Variants in AKAP8L observed in about 807,000 individuals in gnomAD.
AKAP8L encodes the protein A-kinase anchoring protein 8 like, also known as A-kinase anchor protein 8-like.
Under a neutral mutation model 77.5 loss-of-function variants are expected in AKAP8L, and 34 were observed. That is an observed-to-expected ratio of 0.44 (90% confidence interval 0.33 to 0.58). The LOEUF is 0.58. Ranked by LOEUF, AKAP8L falls within the 20% of genes least tolerant of loss-of-function variation. The pLI is 0.02. For synonymous variants in AKAP8L, 342 were observed against 340.7 expected (o/e 1.00, Z -0.04); for missense variants, 806 against 887.6 (o/e 0.91, Z 1.17).
chr19:15,401,555 G>A lies in AKAP8L; in HGVS notation c.411C>T (p.Arg137=), dbSNP rs1033699236. ...SCDSRAVLSE[R]DLYRSGYDYS... ...AGTCATAGCCTGACCGGTACAGGTCGCGCTCACTCAGGACGGCCCTCGAGT... is the reference window on the plus strand; with the variant it reads ...AGTCATAGCCTGACCGGTACAGGTCACGCTCACTCAGGACGGCCCTCGAGT... The change falls in exon 5 of 14, where the codon CGC becomes CGT. Residue 137 remains arginine, a synonymous_variant. Transcript: ENST00000397410. This position sits in a 1 kb window ranked among gnomAD's most constrained non-coding sequence, Gnocchi z 6.2. The A allele has an allele frequency of 1.9e-5, 31 of 1,612,686 alleles. No homozygotes were observed. Among genetic ancestry groups the A allele is most frequent in the African/African-American group, 2.7e-5 (2 of 74,886 alleles).
rs887977846 is a variant in AKAP8L at position 15,397,418 on chromosome 19, G to A, written c.1405+102C>T. ...GGGCCTGAGCCAAGGCTGGTCTCCT[G>A]ACCTTCCCTGGGGGAACAGAAGGGT... On this transcript the variant is annotated intron_variant, in intron 11 of 13. Transcript: ENST00000397410. This position sits in a 1 kb window ranked among gnomAD's most constrained non-coding sequence, Gnocchi z 4.7. 1.3e-6 allele frequency: 2 copies of A among 1,482,880 alleles called. No individual in the cohort carries two copies. Among genetic ancestry groups the A allele is most frequent in the Non-Finnish European group, 1.9e-6 (2 of 1,077,874 alleles). 91.9% of individuals were successfully genotyped at this position (1,482,880 alleles called of 1,614,324 possible).
intron 2 of AKAP8L, among the ~76,000 whole-genome samples, chr19:15,405,540 A>AT (rs1195230338): frequency 6.6e-6 from 1 of 152,062 alleles, no homozygotes; most frequent in Non-Finnish European, 1.5e-5. Context: ...AAAAAAAAAA[A>AT]AATAGAACAA....
chr19:15,384,539 A>G (rs904814429), intron 12 of AKAP8L, among the ~76,000 whole-genome samples: 5 of 151,344 alleles, frequency 3.3e-5, no homozygotes, highest in Non-Finnish European at 5.9e-5. Context: ...ACCTCAGGCA[A>G]TCCACCCGCC....
rs1317235429 is a variant in AKAP8L, at chr19:15,398,790, AG to A, written c.1157+511del. The A allele has an allele frequency of 2.0e-6, 2 of 997,472 alleles. No individual in the cohort carries two copies. The highest frequency in any genetic ancestry group is 1.7e-5 in the African/African-American group (1 of 57,282). 61.8% of individuals were successfully genotyped at this position (997,472 alleles called of 1,614,324 possible). A position where few individuals can be genotyped will look rare whatever the true frequency, so the allele number is the denominator to read the frequency against. ...CCCTGAGGGCAGACAGACCCGACCA[AG>A]GGGCGTGAAGGGCTCAGCCGCAGAC... On this transcript the variant is annotated intron_variant, in intron 9 of 13. Transcript: ENST00000397410. The surrounding 1 kb of genome is among the most constrained non-coding windows in gnomAD (Gnocchi z 9.2).
chr19:15,381,648 T>C (rs1414650405), intron 12 of AKAP8L, among the ~76,000 whole-genome samples: 1 of 152,040 alleles, frequency 6.6e-6, no homozygotes, highest in Non-Finnish European at 1.5e-5. Flanking sequence ...ACGTTTTCTC[T>C]ACTACTGGAG....
rs1172000847 is a variant in AKAP8L, at chr19:15,404,005, C to T, written c.121+5G>A. On this transcript the variant is annotated splice_donor_5th_base_variant and intron_variant, in intron 3 of 13. Coordinates refer to ENST00000397410, the MANE Select transcript of AKAP8L (RefSeq NM_014371.4). ...CAGGACAGCAATCACAGGAATGACA[C>T]TTGCCTCTATTTGTCCCAGAGTTCC... 6.2e-7 allele frequency: 1 copy of T among 1,613,784 alleles called. No individual in the cohort carries two copies. Among genetic ancestry groups the T allele is most frequent in the East Asian group, 2.2e-5 (1 of 44,900 alleles).
At position 15,399,108 on chromosome 19, in the gene AKAP8L, G is replaced by A. The variant is rs1007805666; in HGVS notation, c.1157+194C>T. 13 of 601,296 alleles carry A rather than the reference G, an allele frequency of 2.2e-5. No individual in the cohort carries two copies. The highest frequency in any genetic ancestry group is 7.9e-5 in the South Asian group (4 of 50,758). 37.2% of individuals were successfully genotyped at this position (601,296 alleles called of 1,614,324 possible). On this transcript the variant is annotated intron_variant, in intron 9 of 13. Transcript: ENST00000397410. The surrounding 1 kb of genome is among the most constrained non-coding windows in gnomAD (Gnocchi z 6.1). ...CCACAGACGCCAGCGGTCGCCAGGC[G>A]GCCGCAGAGGGGCAGGGGATGAGTC...
chr19:15,380,089 GGC>G lies in AKAP8L; in HGVS notation c.*31_*32del. The stretch of plus-strand genomic sequence containing the variant: ...TTTATTAGGTTTGGTTTCCAGCTTC[GGC>G]CACGCGGGCTCCGCCCGCCCCGAGC... On this transcript the variant is annotated 3_prime_UTR_variant, in exon 14 of 14. Transcript: ENST00000397410. 1 of 1,450,718 alleles carries G rather than the reference GGC, an allele frequency of 6.9e-7. No individual in the cohort carries two copies. Among genetic ancestry groups the G allele is most frequent in the Non-Finnish European group, 9.0e-7 (1 of 1,113,778 alleles). The allele number at this position is 1,450,718 out of a possible 1,614,324, so 89.9% of individuals were successfully genotyped here.
Position 15,399,318 on chromosome 19 carries a change from C to G in AKAP8L, c.1141G>C (p.Asp381His). The G allele has an allele frequency of 6.2e-7, 1 of 1,613,880 alleles. No individual in the cohort carries two copies. Among genetic ancestry groups the G allele is most frequent in the Non-Finnish European group, 8.5e-7 (1 of 1,179,820 alleles). ...GCTGGTTACCTTTCCACCATGCGGT[C>G]TCGCTGCCGCTTTTTCTGCTTGTCC... ...SQDKQKKRQRDRMVERIQFVC... is the reference protein window; with the variant it reads ...SQDKQKKRQRHRMVERIQFVC... Residue 381 changes from aspartate to histidine, a missense_variant, in exon 9 of 14, where the codon GAC becomes CAC. Physicochemically the swap from Asp to His is moderately conservative, Grantham distance 81. Around this residue, in one of 2 missense-constraint regions of AKAP8L, gnomAD observed 580 missense variants for 694.1 expected, o/e 0.84. Transcript: ENST00000397410. This position sits in a 1 kb window ranked among gnomAD's most constrained non-coding sequence, Gnocchi z 6.1.
At position 15,401,090 on chromosome 19, in the gene AKAP8L, C is replaced by A. The variant is rs1477575327; in HGVS notation, c.817-47G>T. 3.7e-6 allele frequency: 6 copies of A among 1,607,476 alleles called. No homozygotes were observed. The South Asian group carries it at 6.6e-5, about 18-fold the overall frequency. ...CCGTGTCAGGGTGCATGGCACCCGG[C>A]CCTTAGCTCCGCCCCAGTGGGAACT... is the stretch of plus-strand genomic sequence containing the variant. On this transcript the variant is annotated intron_variant, in intron 5 of 13. Coordinates refer to ENST00000397410, the MANE Select transcript of AKAP8L (RefSeq NM_014371.4). The surrounding 1 kb of genome is among the most constrained non-coding windows in gnomAD (Gnocchi z 6.2).
Position 15,399,788 on chromosome 19 carries a change from C to T in AKAP8L, c.1049-378G>A. The T allele has an allele frequency of 3.0e-6, 1 of 334,346 alleles. No homozygotes were observed. Among genetic ancestry groups the T allele is most frequent in the Non-Finnish European group, 5.7e-6 (1 of 176,494 alleles). 20.7% of individuals were successfully genotyped at this position (334,346 alleles called of 1,614,324 possible). ...ATGGCCCTGCCCACCCCCAACCGGG[C>T]ACCGCGGCAACAGTGGGCTGACGCT... On this transcript the variant is annotated intron_variant, in intron 8 of 13. Transcript: ENST00000397410. This position sits in a 1 kb window ranked among gnomAD's most constrained non-coding sequence, Gnocchi z 6.1.
intron 12 of AKAP8L, among the ~76,000 whole-genome samples, chr19:15,396,756 G>A (rs1967785444): frequency 6.6e-6 from 1 of 152,132 alleles, no homozygotes; most frequent in African/African-American, 2.4e-5. Context: ...ACTCTAACCT[G>A]TTAATCCCAC....
intron 12 of AKAP8L, among the ~76,000 whole-genome samples, chr19:15,393,832 G>A (rs927696198): frequency 1.2e-4 from 18 of 151,162 alleles, no homozygotes; most frequent in African/African-American, 4.4e-4. Context: ...GGACCCGGGA[G>A]GCAGAGGTTG....
Position 15,380,189 on chromosome 19 carries a change from C to T in AKAP8L, c.1874G>A (p.Arg625His), listed in dbSNP as rs1485854412. ...AVPLLGGALQ[R>H]QIRGIPGLDV... ...GAGGCCCGGGATGCCGCGGATCTGG[C>T]GTTGCAGCGCCCCTCCCAGCAAGGG... Residue 625 changes from arginine (R) to histidine (H), a missense_variant, in exon 14 of 14, where the codon CGC becomes CAC. Physicochemically the swap from Arg to His is conservative, Grantham distance 29 (BLOSUM62 0). Transcript: ENST00000397410. 1.3e-6 allele frequency: 2 copies of T among 1,507,094 alleles called. No individual in the cohort carries two copies. The highest frequency in any genetic ancestry group is 1.8e-6 in the Non-Finnish European group (2 of 1,136,450). 93.4% of individuals were successfully genotyped at this position (1,507,094 alleles called of 1,614,324 possible). A position where few individuals can be genotyped will look rare whatever the true frequency, so the allele number is the denominator to read the frequency against.
At chr19:15,414,481 C>CT (rs528964183) in intron 1 of AKAP8L, among the ~76,000 whole-genome samples, 1,486 of 145,462 alleles carry the variant, frequency 0.01, 19 homozygotes, top group Admixed American at 0.028. Context: ...TCACAGATTT[C>CT]TTTTTTTTTT....
rs1298350542 is a variant in AKAP8L, at chr19:15,380,146, C to T, written c.1917G>A (p.Glu639=). The part of the protein sequence containing the change: ...GIPGLDVEDD[E]EGGGGAP ...GTCACGGGGCGCCCCCGCCGCCCTC[C>T]TCGTCGTCCTCCACGTCGAGGCCCG... Residue 639 remains glutamate, a synonymous_variant, in exon 14 of 14, where the codon GAG becomes GAA. Coordinates refer to ENST00000397410, the MANE Select transcript of AKAP8L (RefSeq NM_014371.4). 2.0e-6 allele frequency: 3 copies of T among 1,501,224 alleles called. No individual in the cohort carries two copies. Among genetic ancestry groups the T allele is most frequent in the Non-Finnish European group, 2.6e-6 (3 of 1,134,090 alleles). The allele number at this position is 1,501,224 out of a possible 1,614,324, so 93.0% of individuals were successfully genotyped here.
chr19:15,405,458 C>T (rs1304044511), intron 2 of AKAP8L, among the ~76,000 whole-genome samples: 5 of 151,024 alleles, frequency 3.3e-5, no homozygotes, highest in Non-Finnish European at 7.4e-5. Context: ...TGAACCCAGG[C>T]GGCAGAGTTT....
At chr19:15,406,473 A>G (rs1968004147) in intron 2 of AKAP8L, among the ~76,000 whole-genome samples, 1 of 151,048 alleles carries the variant, frequency 6.6e-6, no homozygotes, top group African/African-American at 2.4e-5. Context: ...ATATATGTAC[A>G]TATATATTTT....
chr19:15,401,625 A>G lies in AKAP8L; in HGVS notation c.363-22T>C, dbSNP rs374054125. On this transcript the variant is annotated intron_variant, in intron 4 of 13. Coordinates refer to ENST00000397410, the MANE Select transcript of AKAP8L (RefSeq NM_014371.4). This position sits in a 1 kb window ranked among gnomAD's most constrained non-coding sequence, Gnocchi z 6.2. The stretch of plus-strand genomic sequence containing the variant: ...ATACCTGCAGAGGCATGGGGTGAGC[A>G]TCAGGTGGAGCCCCTCAGGATCCCT... The G allele has an allele frequency of 9.1e-6, 14 of 1,531,846 alleles. No homozygotes were observed. Among genetic ancestry groups the G allele is most frequent in the African/African-American group, 4.1e-5 (3 of 73,230 alleles). 94.9% of individuals were successfully genotyped at this position (1,531,846 alleles called of 1,614,324 possible).
Sources: allele counts gnomAD v4.1 joint callset (sites outside exome capture counted in the v4.1 genomes callset), GRCh38; gene constraint gnomAD v4.1.1; regional missense constraint gnomAD v4.1.1; non-coding constraint Gnocchi (gnomAD v3.1); transcripts MANE v1.5; gene names NCBI Gene and HGNC (gene_info 2026-07-23, HGNC 2026-07-21).